The following TTC9 variants were observed in gnomAD, a reference collection of about 807,000 sequenced individuals.
TTC9 encodes tetratricopeptide repeat domain 9, also known as tetratricopeptide repeat protein 9A.
TTC9 carries 13 observed loss-of-function variants against 22.9 expected under a neutral mutation model. That is an observed-to-expected ratio of 0.57 (90% CI 0.37 to 0.90). TTC9 has a LOEUF of 0.90. TTC9 is among the 40% of genes least tolerant of loss of function. The pLI is 0.01. For synonymous variants in TTC9, 148 were observed against 133.2 expected (o/e 1.11, Z -0.77); for missense variants, 280 against 291.8 (o/e 0.96, Z 0.29).
chr14:70,664,353 C>T (rs1196540479), intron 1 of TTC9, among the ~76,000 whole-genome samples: 2 of 151,418 alleles, frequency 1.3e-5, no homozygotes, highest in Admixed American at 6.6e-5. Context: ...CAGAGAGGTG[C>T]CTAAAAATCA....
chr14:70,665,931 C>T (rs935158788), intron 1 of TTC9, among the ~76,000 whole-genome samples: 10 of 152,148 alleles, frequency 6.6e-5, no homozygotes, highest in African/African-American at 2.4e-4. Context: ...CCCAGCCACC[C>T]AGCCGGGTTG....
chr14:70,670,772 G>A (rs1275927708), intron 2 of TTC9, among the ~76,000 whole-genome samples: 2 of 152,146 alleles, frequency 1.3e-5, no homozygotes, highest in Non-Finnish European at 2.9e-5. Flanking sequence ...TAACTGCGCC[G>A]GCTGGGAAAC....
intron 1 of TTC9, among the ~76,000 whole-genome samples, chr14:70,647,070 G>A (rs1473030890): frequency 6.6e-6 from 1 of 152,052 alleles, no homozygotes; most frequent in African/African-American, 2.4e-5. Context: ...TGATGTCATT[G>A]CAAATAAAAA....
chr14:70,665,221 AG>A (rs1159365877), intron 1 of TTC9, among the ~76,000 whole-genome samples: 1 of 152,210 alleles, frequency 6.6e-6, no homozygotes, highest in Non-Finnish European at 1.5e-5. Context: ...CCGGTCAGAG[AG>A]GACTTCAGGC....
intron 1 of TTC9, among the ~76,000 whole-genome samples, chr14:70,665,444 GGA>G (rs544244825): frequency 3.2e-4 from 47 of 148,820 alleles, no homozygotes; most frequent in African/African-American, 1.2e-3. Context: ...ATCCCACCAT[GGA>G]GAGAGAGGGA....
chr14:70,667,682 C>A lies in TTC9; in HGVS notation c.525C>A (p.Tyr175Ter). ...KALYRSGVAF[Y>*]HLGDYDKALY... ...TTTACCGGTCTGGTGTGGCCTTCTA[C>A]CACCTTGGGGACTATGACAAAGCAC... Residue 175 changes from tyrosine (Y) to a stop codon, truncating the protein, a stop_gained, in exon 2 of 3, where the codon TAC (tyrosine) becomes TAA (stop). Coordinates refer to ENST00000256367, the MANE Select transcript of TTC9 (RefSeq NM_015351.2). LOFTEE classifies it high-confidence loss of function. 6.2e-7 allele frequency: 1 copy of A among 1,613,868 alleles called. No homozygotes were observed. Among genetic ancestry groups the A allele is most frequent in the Non-Finnish European group, 8.5e-7 (1 of 1,179,842 alleles).
chr14:70,653,607 A>G (rs185043422), intron 1 of TTC9, among the ~76,000 whole-genome samples: 1 of 152,184 alleles, frequency 6.6e-6, no homozygotes, highest in Non-Finnish European at 1.5e-5. Flanking sequence ...TGTGGGTTCT[A>G]GGCACACATC....
Position 70,674,609 on chromosome 14 carries a change from T to A in TTC9, c.*3454T>A, listed in dbSNP as rs1294087975. On this transcript the variant is annotated 3_prime_UTR_variant, in exon 3 of 3. Coordinates refer to ENST00000256367, the MANE Select transcript of TTC9 (RefSeq NM_015351.2). The stretch of plus-strand genomic sequence containing the variant: ...CCCGTCTGCCAGCATCTAGTTTCCC[T>A]CTAATTTATTTTGCATCCTAGTGGA... 5 of 152,226 alleles carry A rather than the reference T, an allele frequency of 3.3e-5. No homozygotes were observed. The highest frequency in any genetic ancestry group is 9.6e-5 in the African/African-American group (4 of 41,462). The allele number at this position is 152,226 out of a possible 1,614,324, so 9.4% of individuals were successfully genotyped here. A position where few individuals can be genotyped will look rare whatever the true frequency, so the allele number is the denominator to read the frequency against.
At chr14:70,666,000 A>G (rs1023593436) in intron 1 of TTC9, among the ~76,000 whole-genome samples, 10 of 152,144 alleles carry the variant, frequency 6.6e-5, no homozygotes, top group African/African-American at 2.4e-4. Context: ...TTGAAGAAGC[A>G]GACAGGTGCC....
chr14:70,673,760 C>G lies in TTC9; in HGVS notation c.*2605C>G, dbSNP rs1198254883. ...CGAGTAATTATTCCCTATGCAGAGA[C>G]AGGAGAGAGGTCTTGTTTACATGAG... is the stretch of plus-strand genomic sequence containing the variant. On this transcript the variant is annotated 3_prime_UTR_variant, in exon 3 of 3. Coordinates refer to ENST00000256367, the MANE Select transcript of TTC9 (RefSeq NM_015351.2). The G allele has an allele frequency of 6.6e-6, 1 of 152,210 alleles. No individual in the cohort carries two copies. The highest frequency in any genetic ancestry group is 1.5e-5 in the Non-Finnish European group (1 of 68,092). 9.4% of individuals were successfully genotyped at this position (152,210 alleles called of 1,614,324 possible).
intron 1 of TTC9, among the ~76,000 whole-genome samples, chr14:70,665,500 C>A (rs369052941): frequency 7.9e-4 from 121 of 152,240 alleles, no homozygotes; most frequent in Non-Finnish European, 1.4e-3. Context: ...TCAGAAGGAC[C>A]CCCTGGTGCA....
Position 70,671,114 on chromosome 14 carries a change from A to C in TTC9, c.628A>C (p.Lys210Gln). ...VIRYIQLTEM[K>Q]LSRCSQREKE... ...TCGGTATATCCAGCTGACGGAGATG[A>C]AACTCAGCCGATGCTCCCAGAGAGA... The change falls in exon 3 of 3, where the codon AAA becomes CAA. Residue 210 changes from lysine to glutamine, a missense_variant. This residue lies in a region of TTC9 where 22 missense variants were observed against 20.4 expected (regional missense o/e 1.08). Coordinates refer to ENST00000256367, the MANE Select transcript of TTC9 (RefSeq NM_015351.2). 3.7e-6 allele frequency: 6 copies of C among 1,613,802 alleles called. No homozygotes were observed. Among genetic ancestry groups the C allele is most frequent in the South Asian group, 1.1e-5 (1 of 91,082 alleles).
intron 1 of TTC9, among the ~76,000 whole-genome samples, chr14:70,662,622 T>A (rs900263161): frequency 2.0e-5 from 3 of 152,242 alleles, no homozygotes; most frequent in African/African-American, 7.2e-5. Flanking sequence ...ATTTAGAGGC[T>A]GTTAGATCTG....
chr14:70,655,010 T>C (rs1394551214), intron 1 of TTC9, among the ~76,000 whole-genome samples: 1 of 152,234 alleles, frequency 6.6e-6, no homozygotes, highest in Non-Finnish European at 1.5e-5. Context: ...TATGGTTCCT[T>C]ATGTACAAAG....
At chr14:70,665,364 G>C (rs919807365) in intron 1 of TTC9, among the ~76,000 whole-genome samples, 7 of 152,120 alleles carry the variant, frequency 4.6e-5, no homozygotes, top group Non-Finnish European at 7.4e-5. Flanking sequence ...CTCTCTCTCT[G>C]TACAGCTGTA....
chr14:70,651,666 C>T (rs1290344620), intron 1 of TTC9, among the ~76,000 whole-genome samples: 2 of 152,138 alleles, frequency 1.3e-5, no homozygotes, highest in Non-Finnish European at 2.9e-5. Context: ...CTCTGTTGCA[C>T]ATTAGTGACA....
At chr14:70,653,358 C>T (rs1044731841) in intron 1 of TTC9, among the ~76,000 whole-genome samples, 2 of 151,900 alleles carry the variant, frequency 1.3e-5, no homozygotes, top group Admixed American at 6.6e-5. Context: ...AGAGTGCCAT[C>T]TCCCTAAGTG....
At chr14:70,648,676 G>T (rs182470481) in intron 1 of TTC9, among the ~76,000 whole-genome samples, 2 of 152,190 alleles carry the variant, frequency 1.3e-5, no homozygotes, top group African/African-American at 4.8e-5. Flanking sequence ...AAACAGCTAG[G>T]ATGAAAACTG....
intron 1 of TTC9, among the ~76,000 whole-genome samples, chr14:70,654,736 C>A (rs905052774): frequency 6.6e-6 from 1 of 151,886 alleles, no homozygotes; most frequent in South Asian, 2.1e-4. Context: ...ACTCGTGAAT[C>A]GGGCAGCCTC....
Sources: allele counts gnomAD v4.1 joint callset (sites outside exome capture counted in the v4.1 genomes callset), GRCh38; gene constraint gnomAD v4.1.1; regional missense constraint gnomAD v4.1.1; transcripts MANE v1.5; gene names NCBI Gene and HGNC (gene_info 2026-07-23, HGNC 2026-07-21).